The following MYO16 variants were observed in gnomAD, a reference collection of about 807,000 sequenced individuals.
MYO16 encodes myosin XVI.
A neutral mutation model predicts 205.3 loss-of-function variants in MYO16; 94 were observed. That is an observed-to-expected ratio of 0.46 (90% CI 0.39 to 0.54). The LOEUF is 0.54. MYO16 is among the 20% of genes least tolerant of loss of function. The pLI, the probability that MYO16 is intolerant of heterozygous loss-of-function variation, is 0.00. For synonymous variants in MYO16, 988 were observed against 954.0 expected (o/e 1.04, Z -0.66); for missense variants, 2,315 against 2,387.5 (o/e 0.97, Z 0.63).
chr13:108,621,559 A>G (rs1879542341), intron 1 of MYO16, among the ~76,000 whole-genome samples: 1 of 152,098 alleles, frequency 6.6e-6, no homozygotes, highest in Non-Finnish European at 1.5e-5. Flanking sequence ...TCCATTGTAT[A>G]AGCACTACAT....
chr13:109,005,054 G>A (rs888815197), intron 21 of MYO16, among the ~76,000 whole-genome samples: 8 of 152,194 alleles, frequency 5.3e-5, no homozygotes, highest in African/African-American at 1.9e-4. Context: ...AGAAGACAGA[G>A]AGGAAAAGTT....
At chr13:108,669,441 C>A (rs1881887978) in intron 2 of MYO16, among the ~76,000 whole-genome samples, 1 of 151,296 alleles carries the variant, frequency 6.6e-6, no homozygotes, top group Non-Finnish European at 1.5e-5. Flanking sequence ...AAGGAGGTTT[C>A]TGTAAAGAGG....
chr13:108,574,467 T>G, the MYO16 span, among the ~76,000 whole-genome samples: 1 of 152,160 alleles, frequency 6.6e-6, no homozygotes, highest in African/African-American at 2.4e-5. Flanking sequence ...AAACTTTATC[T>G]CTCATAGAAC....
At chr13:109,164,542 TG>T (rs1196818349) in intron 32 of MYO16, among the ~76,000 whole-genome samples, 1 of 152,212 alleles carries the variant, frequency 6.6e-6, no homozygotes, top group Non-Finnish European at 1.5e-5. Context: ...GCTGTAAGAT[TG>T]CCTTAATTTA....
At chr13:108,545,570 T>C in the MYO16 span, among the ~76,000 whole-genome samples, 1 of 152,208 alleles carries the variant, frequency 6.6e-6, no homozygotes, top group Non-Finnish European at 1.5e-5. Context: ...GTTCACACAT[T>C]GCCAAACTGC....
At chr13:109,012,908 C>T (rs1885651502) in intron 22 of MYO16, among the ~76,000 whole-genome samples, 1 of 151,578 alleles carries the variant, frequency 6.6e-6, no homozygotes, top group South Asian at 2.1e-4. Flanking sequence ...ATTGGAATAT[C>T]ACAGTCACTT....
chr13:109,084,814 G>A (rs1489002220), intron 27 of MYO16, among the ~76,000 whole-genome samples: 1 of 151,514 alleles, frequency 6.6e-6, no homozygotes, highest in Non-Finnish European at 1.5e-5. Flanking sequence ...ACACTTTGGG[G>A]ATAAAAATAT....
intron 1 of MYO16, among the ~76,000 whole-genome samples, chr13:108,663,533 G>A (rs1445051506): frequency 6.6e-6 from 1 of 152,078 alleles, no homozygotes; most frequent in African/African-American, 2.4e-5. Flanking sequence ...TTTGAGACAT[G>A]AATGGACTTA....
At chr13:108,510,031 AT>A in the MYO16 span, among the ~76,000 whole-genome samples, 1 of 152,312 alleles carries the variant, frequency 6.6e-6, no homozygotes, top group South Asian at 2.1e-4. Context: ...ACCTGAAATA[AT>A]CCCCAATATT....
Position 109,206,458 on chromosome 13 carries a change from T to G in MYO16, c.5416-151T>G, listed in dbSNP as rs965396882. 5 of 621,108 alleles carry G rather than the reference T, an allele frequency of 8.1e-6. No individual in the cohort carries two copies. In the East Asian group the frequency reaches 1.4e-4, roughly 17 times the overall value. The allele number at this position is 621,108 out of a possible 1,614,324, so 38.5% of individuals were successfully genotyped here. Reference sequence around the variant, plus strand: ...ACAGCCTCTCTAGCCCAGTGCTGTTTCCAGAGGCAGCAGTGCATGGAGATT... The same window carrying G: ...ACAGCCTCTCTAGCCCAGTGCTGTTGCCAGAGGCAGCAGTGCATGGAGATT... On this transcript the variant is annotated intron_variant, in intron 34 of 34. Transcript: ENST00000457511.
chr13:108,975,748 T>A (rs1217394359), intron 20 of MYO16, among the ~76,000 whole-genome samples: 1 of 152,152 alleles, frequency 6.6e-6, no homozygotes, highest in Non-Finnish European at 1.5e-5. Flanking sequence ...AATATTTTAA[T>A]GAAAAAAAGC....
At position 108,964,790 on chromosome 13, in the gene MYO16, C is replaced by A. The variant is rs1435918210; in HGVS notation, c.2257C>A (p.Gln753Lys). 1 of 1,614,128 alleles carries A rather than the reference C, an allele frequency of 6.2e-7. No individual in the cohort carries two copies. Among genetic ancestry groups the A allele is most frequent in the Non-Finnish European group, 8.5e-7 (1 of 1,180,004 alleles). Residue 753 changes from glutamine to lysine, a missense_variant, in exon 20 of 35, where the codon CAG becomes AAG. Transcript: ENST00000457511. ...GDMIIRRHTI[Q>K]IAEFFRDLLA... is the part of the protein sequence containing the mutation. ...TATGATAATACGACGACATACCATA[C>A]AGATTGCTGAGTTTTTCCGAGACCT...
chr13:109,183,204 G>A (rs1879529308), intron 34 of MYO16, among the ~76,000 whole-genome samples: 1 of 152,170 alleles, frequency 6.6e-6, no homozygotes, highest in Admixed American at 6.5e-5. Flanking sequence ...TAACTCGGTG[G>A]TGAGAAGCTA....
At chr13:108,631,065 T>G (rs1879957802) in intron 1 of MYO16, among the ~76,000 whole-genome samples, 1 of 152,240 alleles carries the variant, frequency 6.6e-6, no homozygotes, top group Admixed American at 6.5e-5. Flanking sequence ...ATTTTGAGAA[T>G]AGTCTTCTGC....
intron 2 of MYO16, among the ~76,000 whole-genome samples, chr13:108,683,998 C>T (rs898903992): frequency 6.6e-6 from 1 of 152,202 alleles, no homozygotes; most frequent in Non-Finnish European, 1.5e-5. Flanking sequence ...ACCTCAGCCT[C>T]CTGAGTAGCT....
At chr13:109,022,478 A>G (rs959656695) in intron 23 of MYO16, among the ~76,000 whole-genome samples, 1 of 126,108 alleles carries the variant, frequency 7.9e-6, no homozygotes, top group African/African-American at 2.9e-5. Context: ...ATATGTATAT[A>G]TTTATGTTAT....
At chr13:108,958,437 G>A (rs1439081307) in intron 17 of MYO16, among the ~76,000 whole-genome samples, 2 of 151,778 alleles carry the variant, frequency 1.3e-5, no homozygotes, top group African/African-American at 4.8e-5. Flanking sequence ...ATATTTAATT[G>A]CACAGAATGG....
At chr13:109,086,246 G>A (rs571714296) in intron 27 of MYO16, among the ~76,000 whole-genome samples, 1 of 152,246 alleles carries the variant, frequency 6.6e-6, no homozygotes, top group African/African-American at 2.4e-5. Flanking sequence ...GGGCCCACTG[G>A]ACAATGCCCA....
In MYO16 at chr13:109,125,600, C is replaced by G. The variant is rs1452913192; in HGVS notation, c.3782+242C>G. The stretch of plus-strand genomic sequence containing the variant: ...TATGTGATGATGACTGCCTCTCCTG[C>G]CATGCTTGTGTCACTTAACTACCTC... On this transcript the variant is annotated intron_variant, in intron 30 of 34. Transcript: ENST00000457511. The surrounding 1 kb of genome is among the most constrained non-coding windows in gnomAD (Gnocchi z 4.0). 6.6e-6 allele frequency among the ~76,000 whole-genome samples: 1 copy of G among 152,204 alleles called. No individual in the cohort carries two copies. Among genetic ancestry groups the G allele is most frequent in the African/African-American group, 2.4e-5 (1 of 41,456 alleles).
Sources: allele counts gnomAD v4.1 joint callset (sites outside exome capture counted in the v4.1 genomes callset), GRCh38; gene constraint gnomAD v4.1.1; non-coding constraint Gnocchi (gnomAD v3.1); transcripts MANE v1.5; gene names NCBI Gene and HGNC (gene_info 2026-07-23, HGNC 2026-07-21).